EFL1: variants seen among roughly 807,000 people sequenced by gnomAD.
EFL1 encodes elongation factor like GTPase 1.
In EFL1, 76 loss-of-function variants were observed where a neutral mutation model predicts 126.7. The ratio of observed to expected loss-of-function variants is 0.60; its 90% CI spans 0.50 to 0.73. The LOEUF (loss-of-function observed/expected upper bound fraction) is 0.73. EFL1 is among the 30% of genes least tolerant of loss of function. EFL1 has a pLI of 0.00. For missense variants in EFL1, 1,128 were observed against 1,343.2 expected (o/e 0.84, Z 2.50); for synonymous variants, 410 against 448.4 (o/e 0.91, Z 1.08).
intron 6 of EFL1, among the ~76,000 whole-genome samples, chr15:82,239,027 C>A (rs2074903166): frequency 6.6e-6 from 1 of 152,310 alleles, no homozygotes; most frequent in East Asian, 1.9e-4. Flanking sequence ...ACCTATTACT[C>A]AGATTTCCTT....
chr15:82,219,833 A>C lies in EFL1; in HGVS notation c.1445-15T>G. 1.3e-6 allele frequency: 2 copies of C among 1,596,532 alleles called. No individual in the cohort carries two copies. The highest frequency in any genetic ancestry group is 1.7e-6 in the Non-Finnish European group (2 of 1,174,370). On this transcript the variant is annotated splice_polypyrimidine_tract_variant and intron_variant, in intron 13 of 19. Transcript: ENST00000268206. ...TTGCTCGTCACCTGACAGAAACAAA[A>C]AGATAATTAGTGCCAAGAATGCCCT...
At chr15:82,234,049 A>C (rs1011153080) in intron 7 of EFL1, among the ~76,000 whole-genome samples, 1 of 152,230 alleles carries the variant, frequency 6.6e-6, no homozygotes, top group Non-Finnish European at 1.5e-5. Context: ...AGTATCTAAA[A>C]ATGTCAAAAG....
At chr15:82,231,116 G>C in intron 7 of EFL1, 145 bp from the exon 8 acceptor site, 1 of 967,542 alleles carries the variant, frequency 1.0e-6, no homozygotes, top group South Asian at 1.8e-5. Context: ...AAAGGGTAAT[G>C]AAGCAGAGAT....
At chr15:82,249,264 C>T (rs2075000118) in intron 4 of EFL1, among the ~76,000 whole-genome samples, 1 of 151,558 alleles carries the variant, frequency 6.6e-6, no homozygotes, top group East Asian at 1.9e-4. Context: ...ATAGCAACAT[C>T]CCATCGCTAC....
chr15:82,159,247 A>G (rs2073998268), intron 16 of EFL1, among the ~76,000 whole-genome samples: 1 of 152,210 alleles, frequency 6.6e-6, no homozygotes, highest in Admixed American at 6.5e-5. Flanking sequence ...GGATTCCTGC[A>G]AAGATATCAC....
intron 19 of EFL1, among the ~76,000 whole-genome samples, chr15:82,136,237 C>T (rs117235117): frequency 4.6e-5 from 7 of 152,304 alleles, no homozygotes; most frequent in Admixed American, 6.5e-5. Flanking sequence ...TACAACAGCT[C>T]TGAATGCCTA....
rs2073627514 is a variant in EFL1 at position 82,130,461 on chromosome 15, T to C, written c.3275A>G (p.Asn1092Ser). 1 of 1,614,072 alleles carries C rather than the reference T, an allele frequency of 6.2e-7. No homozygotes were observed. Among genetic ancestry groups the C allele is most frequent in the Admixed American group, 1.7e-5 (1 of 59,992 alleles). ...AAGCCCCTTCCGCTTTCGTACTGCGTTCATGTACTTCCGGGCTTGGTTCTC... is the reference window on the plus strand; with the variant it reads ...AAGCCCCTTCCGCTTTCGTACTGCGCTCATGTACTTCCGGGCTTGGTTCTC... ...DSENQARKYM[N>S]AVRKRKGLYV... Residue 1092 changes from asparagine (N) to serine (S), a missense_variant, in exon 20 of 20, where the codon AAC (asparagine) becomes AGC (serine). This residue lies in a region of EFL1 where 561 missense variants were observed against 641.7 expected (regional missense o/e 0.87). Coordinates refer to ENST00000268206, the MANE Select transcript of EFL1 (RefSeq NM_024580.6).
At chr15:82,149,057 A>AT (rs1008210890) in intron 18 of EFL1, among the ~76,000 whole-genome samples, 3 of 151,936 alleles carry the variant, frequency 2.0e-5, no homozygotes, top group Admixed American at 2.0e-4. Flanking sequence ...GAAACATTTG[A>AT]TTTTCTACCT....
chr15:82,206,823 G>C (rs1291567855), intron 15 of EFL1, among the ~76,000 whole-genome samples: 1 of 152,002 alleles, frequency 6.6e-6, no homozygotes, highest in African/African-American at 2.4e-5. Flanking sequence ...CCAGAAAATT[G>C]CTATGCCATT....
Position 82,138,711 on chromosome 15 carries a change from T to C in EFL1, c.3121A>G (p.Arg1041Gly), listed in dbSNP as rs1567036775. The C allele has an allele frequency of 6.8e-6, 11 of 1,613,948 alleles. No homozygotes were observed. Among genetic ancestry groups the C allele is most frequent in the Non-Finnish European group, 7.6e-6 (9 of 1,179,924 alleles). ...CTGGCCAGGCCACTTGTCCTCTTCC[T>C]GATTTCATCAGCAAAACCAAAGCTT... ...AESFGFADEI[R>G]KRTSGLASPQ... The change falls in exon 19 of 20, where the codon AGG becomes GGG. Residue 1041 changes from arginine to glycine, a missense_variant. Physicochemically the swap from Arg to Gly is moderately radical, Grantham distance 125. This residue lies in a region of EFL1 where 561 missense variants were observed against 641.7 expected (regional missense o/e 0.87). Coordinates refer to ENST00000268206, the MANE Select transcript of EFL1 (RefSeq NM_024580.6).
At chr15:82,186,696 G>T (rs535505220) in intron 15 of EFL1, among the ~76,000 whole-genome samples, 1 of 152,124 alleles carries the variant, frequency 6.6e-6, no homozygotes, top group Non-Finnish European at 1.5e-5. Context: ...CTTATGAGCC[G>T]ACAGTTTTCC....
intron 7 of EFL1, among the ~76,000 whole-genome samples, chr15:82,233,420 A>G (rs1187195126): frequency 6.6e-6 from 1 of 152,200 alleles, no homozygotes; most frequent in African/African-American, 2.4e-5. Flanking sequence ...TGATCTATTC[A>G]TTGCCTATCT....
In EFL1 at chr15:82,252,791, A is replaced by T. The variant is rs536958451; in HGVS notation, c.160-16T>A. 3.6e-6 allele frequency: 5 copies of T among 1,390,226 alleles called. No individual in the cohort carries two copies. The Admixed American group carries it at 6.9e-5, about 19-fold the overall frequency. The allele number at this position is 1,390,226 out of a possible 1,614,324, so 86.1% of individuals were successfully genotyped here. On this transcript the variant is annotated splice_polypyrimidine_tract_variant and intron_variant, in intron 3 of 19. Coordinates refer to ENST00000268206, the MANE Select transcript of EFL1 (RefSeq NM_024580.6). ...TGTACCTTAACTGGAAAAATGCAACATATGCATCTTCACTTCCCAAAGAAT... is the reference window on the plus strand; with the variant it reads ...TGTACCTTAACTGGAAAAATGCAACTTATGCATCTTCACTTCCCAAAGAAT...
In EFL1 at chr15:82,134,327, C is replaced by G. The variant is rs569901800; in HGVS notation, c.3175-3766G>C. The stretch of plus-strand genomic sequence containing the variant: ...CTTGTGCTCTACAGAAAGGACCCTC[C>G]AGGCCACAGAGAGGGGCTTGATATC... On this transcript the variant is annotated intron_variant, in intron 19 of 19. Coordinates refer to ENST00000268206, the MANE Select transcript of EFL1 (RefSeq NM_024580.6). Among the ~76,000 whole-genome samples the G allele has an allele frequency of 1.3e-3, 192 of 151,948 alleles. 1 individual carries two copies. Among genetic ancestry groups the G allele is most frequent in the Non-Finnish European group, 2.3e-3 (157 of 67,996 alleles).
intron 17 of EFL1, among the ~76,000 whole-genome samples, chr15:82,155,733 C>T (rs905629985): frequency 1.3e-5 from 2 of 152,174 alleles, no homozygotes; most frequent in Non-Finnish European, 2.9e-5. Context: ...ACATCTTTGC[C>T]ACCACTTGAT....
intron 15 of EFL1, among the ~76,000 whole-genome samples, chr15:82,185,804 C>T (rs916424472): frequency 6.6e-6 from 1 of 152,070 alleles, no homozygotes; most frequent in Non-Finnish European, 1.5e-5. Flanking sequence ...AGTTTTGTAA[C>T]ATTTTTTCCC....
rs546596892 is a variant in EFL1, at chr15:82,196,844, C to T, written c.1750+17873G>A. ...GTCAGGAGTTCGAGACCAGCCTGGC[C>T]AACATAGTGAAACCCTGTCTCTACT... On this transcript the variant is annotated intron_variant, in intron 15 of 19. Transcript: ENST00000268206. Among the ~76,000 whole-genome samples, 32 of 152,154 alleles carry T rather than the reference C, an allele frequency of 2.1e-4. 1 individual carries two copies. The highest frequency in any genetic ancestry group is 3.5e-4 in the Non-Finnish European group (24 of 67,992).
intron 15 of EFL1, among the ~76,000 whole-genome samples, chr15:82,180,519 A>T (rs2074242043): frequency 6.6e-6 from 1 of 152,198 alleles, no homozygotes; most frequent in South Asian, 2.1e-4. Context: ...TTAGAAAAAC[A>T]TAAAATTTAT....
chr15:82,260,009 T>G (rs1425674882), intron 2 of EFL1, among the ~76,000 whole-genome samples: 1 of 152,150 alleles, frequency 6.6e-6, no homozygotes, highest in Non-Finnish European at 1.5e-5. Flanking sequence ...ACCAAGTATA[T>G]ACCTCCCTAG....
Sources: allele counts gnomAD v4.1 joint callset (sites outside exome capture counted in the v4.1 genomes callset), GRCh38; gene constraint gnomAD v4.1.1; regional missense constraint gnomAD v4.1.1; transcripts MANE v1.5; gene names NCBI Gene and HGNC (gene_info 2026-07-23, HGNC 2026-07-21).